Variants in CHID1 observed in about 807,000 individuals in gnomAD.
The protein encoded by CHID1 is chitinase domain containing 1, also known as chitinase domain-containing protein 1.
A neutral mutation model predicts 55.4 loss-of-function variants in CHID1; 44 were observed. The ratio of observed to expected loss-of-function variants is 0.79; its 90% CI spans 0.62 to 1.02. The LOEUF is 1.02. Ranked by LOEUF, CHID1 falls within the 50% of genes least tolerant of loss-of-function variation. The probability of loss-of-function intolerance (pLI) is 0.00; values close to 1 mark genes in which losing one functional copy is unlikely to be tolerated. For synonymous variants in CHID1, 216 were observed against 212.9 expected (o/e 1.01, Z -0.13); for missense variants, 491 against 515.3 (o/e 0.95, Z 0.46).
At chr11:898,564 C>A (rs1175281494) in intron 7 of CHID1, among the ~76,000 whole-genome samples, 2 of 152,224 alleles carry the variant, frequency 1.3e-5, no homozygotes, top group African/African-American at 4.8e-5. Flanking sequence ...TGTCCCCCTG[C>A]TATCTTTTGC....
chr11:871,458 G>A (rs1000878713), intron 10 of CHID1, among the ~76,000 whole-genome samples: 4 of 4,296 alleles, frequency 9.3e-4, no homozygotes, highest in Non-Finnish European at 1.4e-3. Context: ...ACACGACTGC[G>A]GCTTCCAGGT....
chr11:899,309 G>C (rs202133648), intron 7 of CHID1, 31 bp downstream of exon 7: 7 of 1,578,532 alleles, frequency 4.4e-6, no homozygotes, highest in Non-Finnish European at 6.0e-6. Flanking sequence ...GCCAGGAGGA[G>C]GGCCACCCAC....
At chr11:892,408 A>T (rs1322634201) in intron 8 of CHID1, among the ~76,000 whole-genome samples, 2 of 152,222 alleles carry the variant, frequency 1.3e-5, no homozygotes, top group Admixed American at 1.3e-4. Flanking sequence ...GGTCACAGGC[A>T]GAGGGAGTTC....
At chr11:893,835 AT>A (rs1233034474) in intron 7 of CHID1, among the ~76,000 whole-genome samples, 3 of 151,814 alleles carry the variant, frequency 2.0e-5, no homozygotes, top group Non-Finnish European at 4.4e-5. Flanking sequence ...GACATGGCAG[AT>A]TAAAAAAAAA....
At chr11:879,948 T>C (rs1849784218) in intron 10 of CHID1, among the ~76,000 whole-genome samples, 2 of 152,184 alleles carry the variant, frequency 1.3e-5, no homozygotes, top group African/African-American at 4.8e-5. Context: ...TTCCAGAGCC[T>C]TCCCAGGATT....
In CHID1 at chr11:869,654, T is replaced by C; in HGVS notation, c.*204A>G. ...ATGCCCGGGTGGGAGGGGCTCGAGCTCTCAGGGTGTCCCCCAGCTAGGACT... is the reference window on the plus strand; with the variant it reads ...ATGCCCGGGTGGGAGGGGCTCGAGCCCTCAGGGTGTCCCCCAGCTAGGACT... On this transcript the variant is annotated 3_prime_UTR_variant, in exon 13 of 13. Transcript: ENST00000323578. 1 of 595,852 alleles carries C rather than the reference T, an allele frequency of 1.7e-6. No homozygotes were observed. The allele number at this position is 595,852 out of a possible 1,614,324, so 36.9% of individuals were successfully genotyped here.
rs1418208792 is a variant in CHID1, at chr11:902,017, ACAT to A, written c.394+178_394+180del. 1.2e-4 allele frequency: 78 copies of A among 642,842 alleles called. 1 individual carries two copies. The Middle Eastern group carries it at 1.3e-3, about 10-fold the overall frequency. The allele number at this position is 642,842 out of a possible 1,614,324, so 39.8% of individuals were successfully genotyped here. A position where few individuals can be genotyped will look rare whatever the true frequency, so the allele number is the denominator to read the frequency against. On this transcript the variant is annotated intron_variant, in intron 4 of 12. Transcript: ENST00000323578. ...ACACACTCACAATCTCTTCTCTCCC[ACAT>A]CATCAGTCTCACACTTACACACTCA...
chr11:914,721 CAAAAA>C, upstream of CHID1: 1 of 282,738 alleles, frequency 3.5e-6, no homozygotes, highest in Non-Finnish European at 6.7e-6. Context: ...GACCCTGTCT[CAAAAA>C]AAAAAAAAAA....
chr11:902,011 T>C, intron 4 of CHID1, 187 bp downstream of exon 4: 1 of 635,072 alleles, frequency 1.6e-6, no homozygotes, highest in South Asian at 1.9e-5. Flanking sequence ...CAATCTCTTC[T>C]CTCCCACATC....
In CHID1 at chr11:869,793, A is replaced by G. The variant is rs1849037974; in HGVS notation, c.*65T>C. 7.0e-7 allele frequency: 1 copy of G among 1,437,638 alleles called. No individual in the cohort carries two copies. The highest frequency in any genetic ancestry group is 1.1e-5 in the South Asian group (1 of 87,314). The allele number at this position is 1,437,638 out of a possible 1,614,324, so 89.1% of individuals were successfully genotyped here. On this transcript the variant is annotated 3_prime_UTR_variant, in exon 13 of 13. Coordinates refer to ENST00000323578, the MANE Select transcript of CHID1 (RefSeq NM_023947.4). ...CAAACGGAGTGGAGGCCTGTATTTC[A>G]CACCTGCTCACTCACTCCATGGCTT...
intron 12 of CHID1, 38 bp from the exon 13 acceptor site, chr11:869,994 T>C (rs2134095357): frequency 6.2e-7 from 1 of 1,606,536 alleles, no homozygotes; most frequent in South Asian, 1.1e-5. Flanking sequence ...TGCTGGGGCC[T>C]GTCCCCCCAA....
chr11:886,589 C>T (rs1183574272), intron 8 of CHID1, among the ~76,000 whole-genome samples: 3 of 152,210 alleles, frequency 2.0e-5, no homozygotes, highest in Non-Finnish European at 2.9e-5. Context: ...GCCATGATGA[C>T]GCGCCCCATG....
chr11:890,146 G>A (rs552346520), intron 8 of CHID1, among the ~76,000 whole-genome samples: 43 of 152,350 alleles, frequency 2.8e-4, no homozygotes, highest in Non-Finnish European at 5.4e-4. Context: ...CTGACTGGCC[G>A]GTTAGCACCC....
At chr11:906,241 C>CT (rs932290374) in intron 1 of CHID1, among the ~76,000 whole-genome samples, 3,200 of 134,826 alleles carry the variant, frequency 0.024, 44 homozygotes, top group African/African-American at 0.03. Context: ...GGCTGTGGGA[C>CT]TTTTTTTTTT....
At chr11:905,270 G>A (rs896211568) in intron 1 of CHID1, among the ~76,000 whole-genome samples, 52 of 152,376 alleles carry the variant, frequency 3.4e-4, no homozygotes, top group African/African-American at 9.9e-4. Flanking sequence ...GCCACGTGGC[G>A]GCTCACGCCT....
intron 7 of CHID1, 107 bp downstream of exon 7, chr11:899,233 G>C (rs911568967): frequency 3.7e-6 from 4 of 1,087,970 alleles, no homozygotes; most frequent in Non-Finnish European, 5.4e-6. Flanking sequence ...CCCAGGCACA[G>C]GGACTGTGGA....
intron 8 of CHID1, among the ~76,000 whole-genome samples, chr11:886,231 A>T (rs928437388): frequency 6.7e-6 from 1 of 150,124 alleles, no homozygotes; most frequent in African/African-American, 2.5e-5. Context: ...AGGCTGAGGC[A>T]GGTCAATCTC....
rs377738911 is a variant in CHID1 at position 870,407 on chromosome 11, C to G, written c.1040+12G>C. ...CAAGGCCAAGGTGGGCCACGCACTT[C>G]AAAACACTCACTTCTTGTACTCGAA... On this transcript the variant is annotated intron_variant, in intron 11 of 12. Transcript: ENST00000323578. 4 of 1,605,682 alleles carry G rather than the reference C, an allele frequency of 2.5e-6. 1 individual carries two copies. In the South Asian group the frequency reaches 3.3e-5, roughly 13 times the overall value.
At chr11:910,952 G>A (rs1420873282), upstream of CHID1, 2 of 434,696 alleles carry the variant, frequency 4.6e-6, no homozygotes, top group Non-Finnish European at 3.1e-6. Flanking sequence ...GCCGGGGCCG[G>A]GGCCGGGGCC....
Sources: gnomAD v4.1 joint callset for allele counts (sites outside exome capture counted in the v4.1 genomes callset) on GRCh38, gnomAD v4.1.1 for gene constraint, MANE v1.5 for transcripts, NCBI Gene and HGNC (gene_info 2026-07-23, HGNC 2026-07-21) for gene names.